Variants in SLC35F3 observed in about 807,000 individuals in gnomAD.
SLC35F3 encodes the protein solute carrier family 35 member F3.
A neutral mutation model predicts 49.9 loss-of-function variants in SLC35F3; 25 were observed. The ratio of observed to expected loss-of-function variants is 0.50; its 90% CI spans 0.37 to 0.70. The LOEUF (loss-of-function observed/expected upper bound fraction) is 0.70, where lower values mean the gene tolerates loss of function less well. Among genes scored for constraint, SLC35F3 ranks in the 30% least tolerant of loss-of-function variants. The pLI is 0.00. For missense variants in SLC35F3, 525 were observed against 639.8 expected, an observed-to-expected ratio of 0.82 and a Z score of 1.94; for synonymous variants, 275 against 265.4, an observed-to-expected ratio of 1.04 and a Z score of -0.35.
At chr1:233,993,651 C>T (rs574407322) in intron 2 of SLC35F3, among the ~76,000 whole-genome samples, 11 of 152,258 alleles carry the variant, frequency 7.2e-5, no homozygotes, top group Middle Eastern at 3.4e-3. Flanking sequence ...TAAGATCACA[C>T]GGATCTTAGG....
At chr1:234,007,924 G>A (rs1302124251) in intron 2 of SLC35F3, among the ~76,000 whole-genome samples, 1 of 152,188 alleles carries the variant, frequency 6.6e-6, no homozygotes, top group East Asian at 1.9e-4. Flanking sequence ...ATTCAGGTTG[G>A]TGATGGGTGG....
chr1:234,115,923 A>G (rs1665479329), intron 2 of SLC35F3, among the ~76,000 whole-genome samples: 1 of 152,176 alleles, frequency 6.6e-6, no homozygotes, highest in Non-Finnish European at 1.5e-5. Flanking sequence ...CGAGCTTTTG[A>G]CAAAAAGGGT....
chr1:234,188,350 G>T (rs1178626179), intron 2 of SLC35F3, among the ~76,000 whole-genome samples: 1 of 152,096 alleles, frequency 6.6e-6, no homozygotes, highest in Non-Finnish European at 1.5e-5. Flanking sequence ...CTGGTGAGGT[G>T]GGGGGCAGGG....
At chr1:234,139,951 T>TATAAAATAAAATAAAATAAAATAAAATAA (rs1665867565) in intron 2 of SLC35F3, among the ~76,000 whole-genome samples, 1 of 90,564 alleles carries the variant, frequency 1.1e-5, no homozygotes, top group African/African-American at 4.0e-5. Context: ...CATCTCAAAA[T>TATAAAATAAAATAAAATAAAATAAAATAA]AATAAAATAA....
At chr1:234,049,155 G>T (rs1003177422) in intron 2 of SLC35F3, among the ~76,000 whole-genome samples, 1 of 152,154 alleles carries the variant, frequency 6.6e-6, no homozygotes, top group Non-Finnish European at 1.5e-5. Flanking sequence ...AAGGAATTTT[G>T]CATTTGAGAA....
At chr1:234,089,098 T>G (rs1665003883) in intron 2 of SLC35F3, among the ~76,000 whole-genome samples, 1 of 152,278 alleles carries the variant, frequency 6.6e-6, no homozygotes, top group East Asian at 1.9e-4. Context: ...CAAAGAAAAC[T>G]GGTGTTCCAC....
chr1:234,045,642 G>A (rs1286299427), intron 2 of SLC35F3, among the ~76,000 whole-genome samples: 1 of 151,670 alleles, frequency 6.6e-6, no homozygotes, highest in African/African-American at 2.4e-5. Flanking sequence ...ACACAATAAC[G>A]TATTATATGC....
At chr1:234,208,161 A>G (rs1225063935) in intron 2 of SLC35F3, among the ~76,000 whole-genome samples, 1 of 152,206 alleles carries the variant, frequency 6.6e-6, no homozygotes, top group Admixed American at 6.5e-5. Context: ...CTGGAGTTCA[A>G]ACTCAAGATG....
At position 233,979,551 on chromosome 1, in the gene SLC35F3, C is replaced by T. The variant is rs75661853; in HGVS notation, c.283+73793C>T. The stretch of plus-strand genomic sequence containing the variant: ...ACCCAGGTGGACAGATGTTAAATAG[C>T]GTGTGCTCTGTGGATAGATATATTG... On this transcript the variant is annotated intron_variant, in intron 2 of 7. Coordinates refer to ENST00000366618, the MANE Select transcript of SLC35F3 (RefSeq NM_173508.4). Among the ~76,000 whole-genome samples the T allele has an allele frequency of 4.7e-4, 72 of 152,256 alleles. 2 individuals are homozygous for T. The East Asian group carries it at 6.0e-3, about 13-fold the overall frequency.
At position 233,904,963 on chromosome 1, in the gene SLC35F3, G is replaced by T. The variant is rs1661745121; in HGVS notation, c.-115G>T. ...GGCCCGGGGCGGCCGGCGCGGCGCAGACCCTCGGTGGGCAGCGCACTCCAG... is the reference window on the plus strand; with the variant it reads ...GGCCCGGGGCGGCCGGCGCGGCGCATACCCTCGGTGGGCAGCGCACTCCAG... On this transcript the variant is annotated 5_prime_UTR_variant, in exon 1 of 8. Coordinates refer to ENST00000366618, the MANE Select transcript of SLC35F3 (RefSeq NM_173508.4). 8.2e-7 allele frequency: 1 copy of T among 1,225,738 alleles called. No homozygotes were observed. Among genetic ancestry groups the T allele is most frequent in the South Asian group, 1.5e-5 (1 of 67,430 alleles). 75.9% of individuals were successfully genotyped at this position (1,225,738 alleles called of 1,614,324 possible). A position where few individuals can be genotyped will look rare whatever the true frequency, so the allele number is the denominator to read the frequency against.
chr1:234,071,773 C>T (rs990957145), intron 2 of SLC35F3, among the ~76,000 whole-genome samples: 5 of 152,220 alleles, frequency 3.3e-5, no homozygotes, highest in Non-Finnish European at 5.9e-5. Context: ...TCCCAAACTC[C>T]GTACCTCCTA....
At chr1:234,020,391 TAGAC>T (rs1663871681) in intron 2 of SLC35F3, among the ~76,000 whole-genome samples, 1 of 152,182 alleles carries the variant, frequency 6.6e-6, no homozygotes, top group Non-Finnish European at 1.5e-5. Context: ...GATAAAAACA[TAGAC>T]AGAGGCAGGC....
At chr1:233,905,400 C>G in intron 1 of SLC35F3, 129 bp from the exon 2 acceptor site, 3 of 759,436 alleles carry the variant, frequency 4.0e-6, no homozygotes, top group South Asian at 1.9e-5. Flanking sequence ...GGCTCTGCCG[C>G]GGCGCTCGCC....
chr1:234,280,225 C>T (rs1255000120), intron 3 of SLC35F3, among the ~76,000 whole-genome samples: 1 of 152,258 alleles, frequency 6.6e-6, no homozygotes, highest in Non-Finnish European at 1.5e-5. Flanking sequence ...CAGCCCATGG[C>T]TTCCCCCAAA....
intron 2 of SLC35F3, among the ~76,000 whole-genome samples, chr1:234,197,318 G>T (rs1190411395): frequency 6.6e-6 from 1 of 152,156 alleles, no homozygotes; most frequent in Non-Finnish European, 1.5e-5. Context: ...CTTCAAGGGG[G>T]AGGGGAAGGC....
chr1:233,907,367 G>A (rs1434746290), intron 2 of SLC35F3, among the ~76,000 whole-genome samples: 3 of 152,194 alleles, frequency 2.0e-5, no homozygotes, highest in African/African-American at 7.2e-5. Context: ...CAGCAGTGAT[G>A]ACTGTTTGGT....
At chr1:234,102,244 C>G (rs1449262593) in intron 2 of SLC35F3, among the ~76,000 whole-genome samples, 1 of 152,162 alleles carries the variant, frequency 6.6e-6, no homozygotes, top group African/African-American at 2.4e-5. Flanking sequence ...GTTTTAAATC[C>G]AGATCTGCCA....
intron 2 of SLC35F3, among the ~76,000 whole-genome samples, chr1:233,987,004 C>G (rs572122961): frequency 6.6e-6 from 1 of 152,220 alleles, no homozygotes; most frequent in African/African-American, 2.4e-5. Context: ...AGAAATGATG[C>G]AAGAGGCTGG....
chr1:233,969,804 C>T (rs971101654), intron 2 of SLC35F3, among the ~76,000 whole-genome samples: 2 of 152,182 alleles, frequency 1.3e-5, no homozygotes, highest in Non-Finnish European at 2.9e-5. Flanking sequence ...GCCATGAGAT[C>T]CTGTGAGATG....
Sources: gnomAD v4.1 joint callset for allele counts (sites outside exome capture counted in the v4.1 genomes callset) on GRCh38, gnomAD v4.1.1 for gene constraint, MANE v1.5 for transcripts, NCBI Gene and HGNC (gene_info 2026-07-23, HGNC 2026-07-21) for gene names.